The following KCNB2 variants were observed in gnomAD, a reference collection of about 807,000 sequenced individuals.
KCNB2 encodes the protein delayed rectifier potassium channel protein.
A neutral mutation model predicts 61.5 loss-of-function variants in KCNB2; 15 were observed. That is an observed-to-expected ratio of 0.24 (90% CI 0.16 to 0.38). The LOEUF (loss-of-function observed/expected upper bound fraction) is 0.38. Among genes scored for constraint, KCNB2 ranks in the 10% least tolerant of loss-of-function variants. The probability of loss-of-function intolerance (pLI) is 1.00; values close to 1 mark genes in which losing one functional copy is unlikely to be tolerated. For synonymous variants in KCNB2, 457 were observed against 446.0 expected (o/e 1.02, Z -0.31); for missense variants, 828 against 1,125.2 (o/e 0.74, Z 3.78).
chr8:72,565,662 AACAC>A (rs1554576382), intron 1 of KCNB2, among the ~76,000 whole-genome samples: 1 of 147,850 alleles, frequency 6.8e-6, no homozygotes, highest in African/African-American at 2.6e-5. Context: ...ACACACACAC[AACAC>A]ACACACACAC....
chr8:72,817,307 C>G (rs977861004), intron 2 of KCNB2, among the ~76,000 whole-genome samples: 1 of 152,134 alleles, frequency 6.6e-6, no homozygotes, highest in Admixed American at 6.5e-5. Context: ...CGTACACCCC[C>G]TCACCGAGCA....
chr8:72,563,910 A>G (rs1806583809), intron 1 of KCNB2, among the ~76,000 whole-genome samples: 1 of 152,324 alleles, frequency 6.6e-6, no homozygotes, highest in Non-Finnish European at 1.5e-5. Flanking sequence ...TCTTTTAACC[A>G]TGGTAACAAT....
intron 2 of KCNB2, among the ~76,000 whole-genome samples, chr8:72,681,378 A>T (rs1806750038): frequency 6.6e-6 from 1 of 152,156 alleles, no homozygotes; most frequent in Non-Finnish European, 1.5e-5. Context: ...TTTTACTAAG[A>T]ACTAAGACAA....
At chr8:72,716,372 T>C (rs1231693526) in intron 2 of KCNB2, among the ~76,000 whole-genome samples, 3 of 152,136 alleles carry the variant, frequency 2.0e-5, no homozygotes, top group Non-Finnish European at 4.4e-5. Context: ...AAGAGAATTT[T>C]AGACCAATAT....
chr8:72,538,353 G>C (rs1806144893), intron 1 of KCNB2, among the ~76,000 whole-genome samples: 1 of 152,140 alleles, frequency 6.6e-6, no homozygotes, highest in Non-Finnish European at 1.5e-5. Context: ...GGTCTCTAAG[G>C]AAAGAGCTTC....
chr8:72,640,744 G>A (rs1406923493), intron 2 of KCNB2, among the ~76,000 whole-genome samples: 4 of 152,042 alleles, frequency 2.6e-5, no homozygotes, highest in Admixed American at 1.3e-4. Context: ...ATGTTACATC[G>A]TGGTTGGTTT....
intron 2 of KCNB2, among the ~76,000 whole-genome samples, chr8:72,754,322 C>T (rs1465355720): frequency 6.6e-6 from 1 of 152,266 alleles, no homozygotes; most frequent in South Asian, 2.1e-4. Flanking sequence ...GGAGAAGCCC[C>T]CTAGGTCTAA....
chr8:72,603,885 A>G (rs535272588), intron 2 of KCNB2, among the ~76,000 whole-genome samples: 1 of 152,292 alleles, frequency 6.6e-6, no homozygotes, highest in East Asian at 1.9e-4. Flanking sequence ...AGAAATTGGC[A>G]TGATGCATCT....
intron 2 of KCNB2, among the ~76,000 whole-genome samples, chr8:72,859,924 C>T (rs934839234): frequency 3.7e-5 from 5 of 136,380 alleles, no homozygotes; most frequent in Non-Finnish European, 8.1e-5. Context: ...TCTCCATGTT[C>T]GTCAGCCTGG....
chr8:72,833,481 G>C (rs1312229935), intron 2 of KCNB2, among the ~76,000 whole-genome samples: 2 of 152,194 alleles, frequency 1.3e-5, no homozygotes, highest in African/African-American at 4.8e-5. Flanking sequence ...TAATCAGGCA[G>C]ATCAGACCAG....
chr8:72,732,061 G>A (rs985525918), intron 2 of KCNB2: 2 of 152,228 alleles, frequency 1.3e-5, no homozygotes, highest in Non-Finnish European at 2.9e-5. Context: ...CCAAGAGGAA[G>A]CCTCTGTTGG....
intron 1 of KCNB2, among the ~76,000 whole-genome samples, chr8:72,552,131 T>C (rs999735011): frequency 6.6e-6 from 1 of 152,130 alleles, no homozygotes; most frequent in African/African-American, 2.4e-5. Flanking sequence ...GAGTTTGTAA[T>C]TGGAGTCCCA....
At chr8:72,574,041 G>A (rs1438449402) in intron 2 of KCNB2, among the ~76,000 whole-genome samples, 1 of 152,214 alleles carries the variant, frequency 6.6e-6, no homozygotes, top group African/African-American at 2.4e-5. Flanking sequence ...CAGAGGTTTA[G>A]CTTGAAGATT....
At chr8:72,558,110 A>G (rs575770846) in intron 1 of KCNB2, among the ~76,000 whole-genome samples, 137 of 152,236 alleles carry the variant, frequency 9.0e-4, no homozygotes, top group Non-Finnish European at 1.7e-3. Context: ...CTAGGTACAA[A>G]AGATGCAGAT....
At chr8:72,569,649 C>T (rs575167197) in intron 2 of KCNB2, among the ~76,000 whole-genome samples, 1 of 151,800 alleles carries the variant, frequency 6.6e-6, no homozygotes, top group African/African-American at 2.4e-5. Flanking sequence ...AAAAATGTGC[C>T]GCATTTGTGG....
chr8:72,722,920 C>G (rs1462341295), intron 2 of KCNB2, among the ~76,000 whole-genome samples: 1 of 152,180 alleles, frequency 6.6e-6, no homozygotes, highest in African/African-American at 2.4e-5. Flanking sequence ...TCCATGCACA[C>G]AGAAAACCTC....
At chr8:72,715,500 A>G (rs1189831418) in intron 2 of KCNB2, among the ~76,000 whole-genome samples, 15 of 152,238 alleles carry the variant, frequency 9.9e-5, no homozygotes, top group African/African-American at 3.4e-4. Flanking sequence ...ACTCAGGATT[A>G]AGAAACTCAC....
chr8:72,882,070 TCTCTC>T (rs2129005195), intron 2 of KCNB2, among the ~76,000 whole-genome samples: 1 of 152,240 alleles, frequency 6.6e-6, no homozygotes, highest in South Asian at 2.1e-4. Flanking sequence ...TCTGCAATCT[TCTCTC>T]CTTAGCAGGA....
intron 1 of KCNB2, among the ~76,000 whole-genome samples, chr8:72,552,833 T>C (rs1408412239): frequency 6.6e-6 from 1 of 152,202 alleles, no homozygotes; most frequent in Non-Finnish European, 1.5e-5. Flanking sequence ...TAAGTATCTA[T>C]GTCATATGAC....
Sources: gnomAD v4.1 joint callset for allele counts (sites outside exome capture counted in the v4.1 genomes callset) on GRCh38, gnomAD v4.1.1 for gene constraint, MANE v1.5 for transcripts, NCBI Gene and HGNC (gene_info 2026-07-23, HGNC 2026-07-21) for gene names.